Variants in ANO5 observed in about 807,000 individuals in gnomAD.
ANO5 encodes the protein anoctamin 5, also known as anoctamin-5.
Under a neutral mutation model 121.0 loss-of-function variants are expected in ANO5, and 109 were observed. The ratio of observed to expected loss-of-function variants is 0.90; its 90% CI spans 0.77 to 1.06. The LOEUF is 1.06. Ranked by LOEUF, ANO5 falls within the 50% of genes least tolerant of loss-of-function variation. The probability of loss-of-function intolerance (pLI) is 0.00; values close to 1 mark genes in which losing one functional copy is unlikely to be tolerated. For synonymous variants in ANO5, 406 were observed against 359.9 expected, an observed-to-expected ratio of 1.13 and a Z score of -1.45; for missense variants, 1,064 against 1,078.5, an observed-to-expected ratio of 0.99 and a Z score of 0.19.
intron 5 of ANO5, among the ~76,000 whole-genome samples, chr11:22,224,709 C>A (rs1379929373): frequency 6.6e-6 from 1 of 151,962 alleles, no homozygotes; most frequent in Non-Finnish European, 1.5e-5. Context: ...GAAAAATAGA[C>A]CACTGGGATT....
intron 7 of ANO5, among the ~76,000 whole-genome samples, chr11:22,232,442 T>C (rs1457615727): frequency 6.6e-6 from 1 of 151,982 alleles, no homozygotes; most frequent in Non-Finnish European, 1.5e-5. Context: ...TCATTATATA[T>C]TCTACTGATC....
At chr11:22,271,452 C>A (rs1364691168) in intron 18 of ANO5, among the ~76,000 whole-genome samples, 3 of 152,116 alleles carry the variant, frequency 2.0e-5, no homozygotes, top group East Asian at 3.9e-4. Flanking sequence ...TTATGTGATA[C>A]ATGGATTGAA....
At chr11:22,235,357 G>A (rs2133644251) in intron 7 of ANO5, among the ~76,000 whole-genome samples, 1 of 151,960 alleles carries the variant, frequency 6.6e-6, no homozygotes, top group South Asian at 2.1e-4. Context: ...AAACTACCTA[G>A]CATAAATTAT....
At chr11:22,233,535 G>C (rs1256965843) in intron 7 of ANO5, among the ~76,000 whole-genome samples, 3 of 152,016 alleles carry the variant, frequency 2.0e-5, no homozygotes, top group Non-Finnish European at 4.4e-5. Context: ...TGTCAATGCA[G>C]TCTTACTTGC....
rs769406599 is a variant in ANO5 at position 22,257,633 on chromosome 11, T to A, written c.1333-47T>A. Reference sequence around the variant, plus strand: ...ATTGACTAGTGCTTGGAGTCTTGACTTAGAGGGGAGATTTTGAATTTCTTT... The same window carrying A: ...ATTGACTAGTGCTTGGAGTCTTGACATAGAGGGGAGATTTTGAATTTCTTT... On this transcript the variant is annotated intron_variant, in intron 13 of 21. Transcript: ENST00000324559. 5 of 1,490,108 alleles carry A rather than the reference T, an allele frequency of 3.4e-6. No individual in the cohort carries two copies. In the South Asian group the frequency reaches 5.7e-5, roughly 17 times the overall value. The allele number at this position is 1,490,108 out of a possible 1,614,324, so 92.3% of individuals were successfully genotyped here.
In ANO5 at chr11:22,253,140, C is replaced by T. The variant is rs536607685; in HGVS notation, c.1180+2129C>T. On this transcript the variant is annotated intron_variant, in intron 12 of 21. Coordinates refer to ENST00000324559, the MANE Select transcript of ANO5 (RefSeq NM_213599.3). ...TGAAAAAGGTCAAGTCCTACTTAGG[C>T]ACAATCTATAAGGCCCAAACCAAGG... Among the ~76,000 whole-genome samples the T allele has an allele frequency of 1.4e-3, 211 of 152,238 alleles. 1 individual carries two copies. Among genetic ancestry groups the T allele is most frequent in the African/African-American group, 4.9e-3 (202 of 41,558 alleles).
At chr11:22,229,774 G>A (rs543907694) in intron 7 of ANO5, among the ~76,000 whole-genome samples, 8 of 151,806 alleles carry the variant, frequency 5.3e-5, no homozygotes, top group Non-Finnish European at 1.0e-4. Context: ...TACCTTAGTC[G>A]AATTCAACTT....
At chr11:22,229,441 A>G (rs1228095178) in intron 7 of ANO5, among the ~76,000 whole-genome samples, 2 of 151,972 alleles carry the variant, frequency 1.3e-5, no homozygotes, top group Non-Finnish European at 2.9e-5. Flanking sequence ...AAACAATAAC[A>G]AAACCTAAGT....
At chr11:22,251,570 T>C (rs550072285) in intron 12 of ANO5, among the ~76,000 whole-genome samples, 2 of 152,304 alleles carry the variant, frequency 1.3e-5, no homozygotes, top group Non-Finnish European at 2.9e-5. Flanking sequence ...AAGTTTTTCC[T>C]ATCATCAGCA....
chr11:22,270,569 A>G (rs1462823424), intron 18 of ANO5, 127 bp downstream of exon 18: 24 of 1,377,920 alleles, frequency 1.7e-5, no homozygotes, highest in African/African-American at 5.7e-5. Flanking sequence ...GGCAAAAAAG[A>G]TGAGTGGAGG....
intron 17 of ANO5, among the ~76,000 whole-genome samples, chr11:22,266,969 T>C (rs1252885960): frequency 6.6e-6 from 1 of 152,216 alleles, no homozygotes; most frequent in Admixed American, 6.5e-5. Flanking sequence ...CGGCTTTAGA[T>C]GAACAAAATT....
chr11:22,242,550 G>C (rs1257143675), intron 9 of ANO5, among the ~76,000 whole-genome samples: 1 of 152,032 alleles, frequency 6.6e-6, no homozygotes, highest in East Asian at 1.9e-4. Flanking sequence ...CCATTTATTT[G>C]TGTCATCTCT....
chr11:22,222,736 A>G (rs1466909961), intron 5 of ANO5, among the ~76,000 whole-genome samples: 1 of 143,712 alleles, frequency 7.0e-6, no homozygotes, highest in African/African-American at 2.6e-5. Flanking sequence ...CCTACCTACT[A>G]AATGCCAGCA....
At chr11:22,208,172 T>A (rs1852176031) in intron 2 of ANO5, among the ~76,000 whole-genome samples, 1 of 152,060 alleles carries the variant, frequency 6.6e-6, no homozygotes, top group Non-Finnish European at 1.5e-5. Flanking sequence ...GTAATCATAC[T>A]CTTGGGCATT....
chr11:22,205,401 A>G (rs1011966295), intron 2 of ANO5, among the ~76,000 whole-genome samples: 2 of 152,150 alleles, frequency 1.3e-5, no homozygotes, highest in African/African-American at 4.8e-5. Context: ...GAAACAGAAT[A>G]TGAGAACCAG....
Position 22,244,553 on chromosome 11 carries a change from C to A in ANO5, c.878+4869C>A, listed in dbSNP as rs986454368. 1.6e-4 allele frequency among the ~76,000 whole-genome samples: 24 copies of A among 150,656 alleles called. 1 individual carries two copies. Among genetic ancestry groups the A allele is most frequent in the Admixed American group, 1.3e-3 (19 of 15,134 alleles). ...CATAAGTTTGGTCTCTTTATGTAAT[C>A]CTAAATTTCTTGGAGGTTTTGTTCT... On this transcript the variant is annotated intron_variant, in intron 9 of 21. Transcript: ENST00000324559.
In ANO5 at chr11:22,193,385, C is replaced by T; in HGVS notation, c.-108C>T. 6.9e-7 allele frequency: 1 copy of T among 1,440,852 alleles called. No individual in the cohort carries two copies. The highest frequency in any genetic ancestry group is 9.2e-7 in the Non-Finnish European group (1 of 1,089,302). The allele number at this position is 1,440,852 out of a possible 1,614,324, so 89.3% of individuals were successfully genotyped here. ...CTTAGAAGTCCAGCAGCAGCAACTC[C>T]GGCGGCCCACAGTCAGATTCAGCAC... On this transcript the variant is annotated 5_prime_UTR_variant, in exon 1 of 22. Transcript: ENST00000324559.
chr11:22,203,267 T>G (rs547404143), intron 1 of ANO5, among the ~76,000 whole-genome samples: 15 of 152,292 alleles, frequency 9.8e-5, no homozygotes, highest in African/African-American at 3.6e-4. Flanking sequence ...ATTTAACTTT[T>G]TTAGTGTCAT....
In ANO5 at chr11:22,255,435, G is replaced by C; in HGVS notation, c.1245G>C (p.Val415=). 1 of 1,613,284 alleles carries C rather than the reference G, an allele frequency of 6.2e-7. No individual in the cohort carries two copies. The highest frequency in any genetic ancestry group is 1.7e-5 in the Admixed American group (1 of 59,990). The change falls in exon 13 of 22, where the codon GTG becomes GTC. Residue 415 remains valine, a synonymous_variant. Transcript: ENST00000324559. The part of the protein sequence containing the change: ...QARLEYEWDL[V]DFEEEQQQLQ... The stretch of plus-strand genomic sequence containing the variant: ...GACTGGAATATGAATGGGACCTGGT[G>C]GACTTTGAAGAGGAACAGCAGCAGC...
Sources: allele counts gnomAD v4.1 joint callset (sites outside exome capture counted in the v4.1 genomes callset), GRCh38; gene constraint gnomAD v4.1.1; transcripts MANE v1.5; gene names NCBI Gene and HGNC (gene_info 2026-07-23, HGNC 2026-07-21).